The following CDA variants were observed in gnomAD, a reference collection of about 807,000 sequenced individuals.
The protein encoded by CDA is cytidine aminohydrolase.
CDA carries 7 observed loss-of-function variants against 15.0 expected under a neutral mutation model. The observed-to-expected ratio is 0.47, with a 90% CI of 0.26 to 0.87. CDA has a LOEUF of 0.87. Among genes scored for constraint, CDA ranks in the 40% least tolerant of loss-of-function variants. The pLI is 0.15. For synonymous variants in CDA, 58 were observed against 73.0 expected (o/e 0.79, Z 1.05); for missense variants, 159 against 182.7 (o/e 0.87, Z 0.75).
At chr1:20,606,497 C>A (rs531099389) in intron 2 of CDA, among the ~76,000 whole-genome samples, 1 of 152,206 alleles carries the variant, frequency 6.6e-6, no homozygotes, top group East Asian at 1.9e-4. Flanking sequence ...AGTCTCACTG[C>A]AGGGCTCATT....
At chr1:20,615,470 C>CAA (rs35351279) in intron 3 of CDA, among the ~76,000 whole-genome samples, 9,001 of 112,934 alleles carry the variant, frequency 0.08, 670 homozygotes, top group Non-Finnish European at 0.096. Flanking sequence ...CTGTTCTCCA[C>CAA]AAAAAAAAAA....
At chr1:20,591,489 T>C (rs1167891794) in intron 1 of CDA, among the ~76,000 whole-genome samples, 5 of 152,214 alleles carry the variant, frequency 3.3e-5, no homozygotes, top group Non-Finnish European at 5.9e-5. Context: ...ACATCAACTC[T>C]GTTCCAGGTA....
At chr1:20,617,109 T>G (rs979755227) in intron 3 of CDA, among the ~76,000 whole-genome samples, 2 of 152,176 alleles carry the variant, frequency 1.3e-5, no homozygotes, top group African/African-American at 4.8e-5. Context: ...CGCTGCTGAT[T>G]AACCTCTTGC....
chr1:20,590,219 A>G (rs2101172142), intron 1 of CDA, among the ~76,000 whole-genome samples: 1 of 152,286 alleles, frequency 6.6e-6, no homozygotes, highest in Non-Finnish European at 1.5e-5. Context: ...TGTGAAAGGA[A>G]GGTGATTAAT....
At chr1:20,608,731 A>G (rs554010436) in intron 2 of CDA, among the ~76,000 whole-genome samples, 4 of 152,172 alleles carry the variant, frequency 2.6e-5, no homozygotes, top group Non-Finnish European at 4.4e-5. Context: ...TATTGTTTTA[A>G]AGTTATCATT....
chr1:20,590,913 G>A (rs749643478), intron 1 of CDA, among the ~76,000 whole-genome samples: 48 of 152,156 alleles, frequency 3.2e-4, no homozygotes, highest in South Asian at 1.2e-3. Flanking sequence ...GGGCCAGCAT[G>A]GCTGCCTTCC....
At chr1:20,616,646 T>C (rs12072318) in intron 3 of CDA, among the ~76,000 whole-genome samples, 30,278 of 151,992 alleles carry the variant, frequency 0.2, 3,149 homozygotes, top group African/African-American at 0.23. Flanking sequence ...TCCAAACAGA[T>C]TGGATGTTGG....
chr1:20,614,720 C>A (rs748270785), intron 3 of CDA, among the ~76,000 whole-genome samples: 5 of 152,078 alleles, frequency 3.3e-5, no homozygotes, highest in Admixed American at 3.3e-4. Flanking sequence ...AAGAAGGCCA[C>A]GAGGGCTAGA....
chr1:20,599,847 T>C (rs1243504247), intron 1 of CDA, among the ~76,000 whole-genome samples: 1 of 152,126 alleles, frequency 6.6e-6, no homozygotes, highest in Non-Finnish European at 1.5e-5. Context: ...TTGTGTTAAG[T>C]GCTTTACACG....
At chr1:20,593,571 CTTTTGT>C (rs1399848212) in intron 1 of CDA, among the ~76,000 whole-genome samples, 1 of 152,082 alleles carries the variant, frequency 6.6e-6, no homozygotes, top group African/African-American at 2.4e-5. Context: ...GGTTTCCATT[CTTTTGT>C]TTTTGTTTTT....
intron 1 of CDA, among the ~76,000 whole-genome samples, chr1:20,595,181 C>T (rs1348292125): frequency 6.6e-6 from 1 of 152,132 alleles, no homozygotes; most frequent in Non-Finnish European, 1.5e-5. Context: ...CTTTCCTCTC[C>T]GTCTGCCATT....
intron 1 of CDA, among the ~76,000 whole-genome samples, chr1:20,593,356 C>G (rs1238964111): frequency 2.0e-5 from 3 of 152,158 alleles, no homozygotes; most frequent in Non-Finnish European, 4.4e-5. Flanking sequence ...GTTTCACATG[C>G]ACTAATCAGA....
Position 20,618,651 on chromosome 1 carries a change from G to T in CDA, c.*83G>T, listed in dbSNP as rs977607246. 47 of 856,904 alleles carry T rather than the reference G, an allele frequency of 5.5e-5. 1 individual carries two copies. In the East Asian group the frequency reaches 1.1e-3, roughly 20 times the overall value. 53.1% of individuals were successfully genotyped at this position (856,904 alleles called of 1,614,324 possible). A position where few individuals can be genotyped will look rare whatever the true frequency, so the allele number is the denominator to read the frequency against. On this transcript the variant is annotated 3_prime_UTR_variant, in exon 4 of 4. Coordinates refer to ENST00000375071, the MANE Select transcript of CDA (RefSeq NM_001785.3). Reference sequence around the variant, plus strand: ...TCACAGCCCTGGGGACACCTGCCCAGTGGGCCCCAGCCCTACAGGGACTGG... The same window carrying T: ...TCACAGCCCTGGGGACACCTGCCCATTGGGCCCCAGCCCTACAGGGACTGG...
chr1:20,589,922 G>A (rs1369317547), intron 1 of CDA, among the ~76,000 whole-genome samples: 1 of 151,302 alleles, frequency 6.6e-6, no homozygotes, highest in Admixed American at 6.6e-5. Context: ...GCAGCGCCCT[G>A]CGGGGCGGGG....
At chr1:20,615,842 A>T (rs1019892494) in intron 3 of CDA, among the ~76,000 whole-genome samples, 2 of 152,126 alleles carry the variant, frequency 1.3e-5, no homozygotes, top group African/African-American at 2.4e-5. Flanking sequence ...CCCTTCAAAC[A>T]ATTTAAAAAT....
At chr1:20,596,602 T>G (rs1399341883) in intron 1 of CDA, among the ~76,000 whole-genome samples, 1 of 152,032 alleles carries the variant, frequency 6.6e-6, no homozygotes, top group East Asian at 1.9e-4. Flanking sequence ...TCCAAAACAT[T>G]CTGATGCCCA....
At chr1:20,618,407 C>G (rs748803360) in intron 3 of CDA, 45 bp from the exon 4 acceptor site, 7 of 1,151,666 alleles carry the variant, frequency 6.1e-6, no homozygotes, top group African/African-American at 1.5e-5. Context: ...TCTCAGCCCC[C>G]TCAGCCACGC....
chr1:20,591,251 G>C (rs890930546), intron 1 of CDA, among the ~76,000 whole-genome samples: 1 of 152,154 alleles, frequency 6.6e-6, no homozygotes, highest in Non-Finnish European at 1.5e-5. Flanking sequence ...TGAGGCAGGA[G>C]AATGGTGTGA....
At chr1:20,613,427 A>ACC (rs1325819393) in intron 2 of CDA, among the ~76,000 whole-genome samples, 2 of 151,914 alleles carry the variant, frequency 1.3e-5, no homozygotes, top group African/African-American at 2.4e-5. Context: ...CTGGTCTCGA[A>ACC]CTCCTGCCCT....
Sources: gnomAD v4.1 joint callset for allele counts (sites outside exome capture counted in the v4.1 genomes callset) on GRCh38, gnomAD v4.1.1 for gene constraint, MANE v1.5 for transcripts, NCBI Gene and HGNC (gene_info 2026-07-23, HGNC 2026-07-21) for gene names.